The following PSG9 variants were observed in gnomAD, a reference collection of about 807,000 sequenced individuals.
The protein encoded by PSG9 is pregnancy specific beta-1-glycoprotein 9.
In PSG9, 49 loss-of-function variants were observed where a neutral mutation model predicts 41.9. That is an observed-to-expected ratio of 1.17 (90% CI 0.93 to 1.48). The LOEUF (loss-of-function observed/expected upper bound fraction) is 1.48, where lower values mean the gene tolerates loss of function less well. PSG9 is among the 40% of genes most tolerant of loss of function. The pLI is 0.00. For synonymous variants in PSG9, 263 were observed against 196.8 expected, an observed-to-expected ratio of 1.34 and a Z score of -2.82; for missense variants, 641 against 520.3, an observed-to-expected ratio of 1.23 and a Z score of -2.26.
Position 43,258,164 on chromosome 19 carries a change from A to C in PSG9, c.1243+38T>G, listed in dbSNP as rs2072284. 0.061 allele frequency: 96,658 copies of C among 1,591,998 alleles called. 10,101 individuals carry two copies. Among genetic ancestry groups the C allele is most frequent in the Admixed American group, 0.18 (10,821 of 58,638 alleles). On this transcript the variant is annotated intron_variant, in intron 5 of 5. Transcript: ENST00000270077. ...TCTCTGAAAGCCAGATAGACTCCACATAAAACCCTACTGCCAAGGATGCTG... is the reference window on the plus strand; with the variant it reads ...TCTCTGAAAGCCAGATAGACTCCACCTAAAACCCTACTGCCAAGGATGCTG...
At chr19:43,265,078 C>G (rs932769048) in intron 2 of PSG9, among the ~76,000 whole-genome samples, 2 of 148,226 alleles carry the variant, frequency 1.3e-5, no homozygotes, top group African/African-American at 5.1e-5. Flanking sequence ...TGTCCTCACT[C>G]ATTCCTGGAC....
In PSG9 at chr19:43,259,262, G is replaced by A. The variant is rs531154541; in HGVS notation, c.710-127C>T. 25 of 1,414,940 alleles carry A rather than the reference G, an allele frequency of 1.8e-5. 5 individuals carry two copies. In the East Asian group the frequency reaches 3.1e-4, roughly 17 times the overall value. The allele number at this position is 1,414,940 out of a possible 1,614,324, so 87.6% of individuals were successfully genotyped here. ...GAGTCCTTGAAAGCCAATAGCTGGT[G>A]CGTGTGTCACAAGACAGATGCATGA... On this transcript the variant is annotated intron_variant, in intron 3 of 5. Coordinates refer to ENST00000270077, the MANE Select transcript of PSG9 (RefSeq NM_002784.5).
chr19:43,255,893 T>C (rs1325485029), intron 5 of PSG9, among the ~76,000 whole-genome samples: 1 of 146,518 alleles, frequency 6.8e-6, no homozygotes. Context: ...TTTTCATGAA[T>C]TGGAAGACTC....
At chr19:43,266,003 G>T (rs1390882148) in intron 2 of PSG9, among the ~76,000 whole-genome samples, 5 of 152,092 alleles carry the variant, frequency 3.3e-5, no homozygotes, top group South Asian at 4.2e-4. Context: ...TAGTTAGAGG[G>T]AATGTCTGGG....
chr19:43,257,965 G>T (rs768729030), intron 5 of PSG9: 2 of 1,455,252 alleles, frequency 1.4e-6, no homozygotes, highest in Non-Finnish European at 1.8e-6. Context: ...GCTCAGGGCT[G>T]ATAAAGCCCC....
chr19:43,262,628 G>T (rs1316480943), intron 2 of PSG9, among the ~76,000 whole-genome samples: 1 of 152,164 alleles, frequency 6.6e-6, no homozygotes, highest in African/African-American at 2.4e-5. Context: ...TGGAAAGCCT[G>T]GTCTGGGACT....
Position 43,259,005 on chromosome 19 carries a change from G to A in PSG9, c.840C>T (p.Leu280=), listed in dbSNP as rs763293390. The A allele has an allele frequency of 2.5e-6, 4 of 1,590,804 alleles. 1 individual carries two copies. The highest frequency in any genetic ancestry group is 3.4e-6 in the Non-Finnish European group (4 of 1,174,494). The change falls in exon 4 of 6, where the codon CTC becomes CTT. Residue 280 remains leucine, a synonymous_variant. Transcript: ENST00000270077. ...TYIWWLNGQS[L]PVSPGVKRPI... The stretch of plus-strand genomic sequence containing the variant: ...GTCGCTTTACCCCGGGACTGACGGG[G>A]AGGCTCTGACCGTTTAGCCACCAAA...
chr19:43,268,247 C>G (rs1969076817), intron 1 of PSG9, 98 bp from the exon 2 acceptor site: 2 of 1,432,460 alleles, frequency 1.4e-6, no homozygotes, highest in Non-Finnish European at 1.9e-6. Context: ...CATCCTCAGC[C>G]TTGAAGATAC....
At chr19:43,261,761 G>A (rs535196736) in intron 3 of PSG9, 99 bp downstream of exon 3, 1 of 1,611,068 alleles carries the variant, frequency 6.2e-7, no homozygotes, top group Non-Finnish European at 8.5e-7. Flanking sequence ...AGGGGTAAAG[G>A]TCTCTGTACT....
chr19:43,257,672 C>T lies in PSG9; in HGVS notation c.1243+530G>A, dbSNP rs545646116. 2.4e-4 allele frequency: 260 copies of T among 1,075,006 alleles called. 38 individuals carry two copies. In the African/African-American group the frequency reaches 4.3e-3, roughly 18 times the overall value. The allele number at this position is 1,075,006 out of a possible 1,614,324, so 66.6% of individuals were successfully genotyped here. On this transcript the variant is annotated intron_variant, in intron 5 of 5. Coordinates refer to ENST00000270077, the MANE Select transcript of PSG9 (RefSeq NM_002784.5). ...GGGCCCTTTCTACACACACGCTAGT[C>T]CCACCCCAGGTTGAGTGAGGCAGGG...
chr19:43,264,480 C>G (rs1056441564), intron 2 of PSG9, among the ~76,000 whole-genome samples: 6 of 151,888 alleles, frequency 4.0e-5, no homozygotes, highest in African/African-American at 1.4e-4. Flanking sequence ...TTTTCTGAGA[C>G]AGAGTCTCGC....
rs1323261158 is a variant in PSG9, at chr19:43,258,460, G to A, written c.989-4C>T. 2 of 1,558,236 alleles carry A rather than the reference G, an allele frequency of 1.3e-6. 1 individual carries two copies. Among genetic ancestry groups the A allele is most frequent in the East Asian group, 5.4e-5 (2 of 37,290 alleles). On this transcript the variant is annotated splice_polypyrimidine_tract_variant and splice_region_variant and intron_variant, in intron 4 of 5. Transcript: ENST00000270077. ...ATTCTGGGGAGGTCTGGACCATCTG[G>A]AGGAAAGAGAATAAAGCCACACGTG...
rs531757573 is a variant in PSG9, at chr19:43,264,409, G to C, written c.431-2271C>G. On this transcript the variant is annotated intron_variant, in intron 2 of 5. Transcript: ENST00000270077. ...CCTCAAGCTAGGGATTCTTTCCTCA[G>C]CTGTGTGCAGTCTACCAGTAAGCAT... 4.6e-5 allele frequency among the ~76,000 whole-genome samples: 7 copies of C among 152,100 alleles called. No homozygotes were observed. The East Asian group carries it at 1.4e-3, about 29-fold the overall frequency.
intron 2 of PSG9, 134 bp from the exon 3 acceptor site, chr19:43,262,272 T>A: frequency 4.0e-6 from 6 of 1,485,056 alleles, no homozygotes; most frequent in Non-Finnish European, 5.4e-6. Context: ...GGTGTGTGTG[T>A]TACAAGACAG....
At position 43,258,976 on chromosome 19, in the gene PSG9, A is replaced by T; in HGVS notation, c.869T>A (p.Ile290Asn). Residue 290 changes from isoleucine to asparagine, a missense_variant, in exon 4 of 6, where the codon ATT becomes AAT. By Grantham distance (149) the Ile-to-Asn change is moderately radical. Coordinates refer to ENST00000270077, the MANE Select transcript of PSG9 (RefSeq NM_002784.5). ...GGGTAGAATGAGTATCCTGTTTTCA[A>T]TGGGTCGCTTTACCCCGGGACTGAC... is the stretch of plus-strand genomic sequence containing the variant. ...LPVSPGVKRPIENRILILPSV... is the reference protein window; with the variant it reads ...LPVSPGVKRPNENRILILPSV... 1 of 1,590,388 alleles carries T rather than the reference A, an allele frequency of 6.3e-7. No individual in the cohort carries two copies. The highest frequency in any genetic ancestry group is 1.1e-5 in the South Asian group (1 of 89,846).
intron 4 of PSG9, 135 bp downstream of exon 4, chr19:43,258,722 G>T: frequency 7.0e-7 from 1 of 1,436,718 alleles, no homozygotes; most frequent in Non-Finnish European, 9.3e-7. Context: ...TCCCAGGGCA[G>T]GGAGTCATGG....
In PSG9 at chr19:43,259,087, T is replaced by A. The variant is rs1249601525; in HGVS notation, c.758A>T (p.Glu253Val). Residue 253 changes from glutamate to valine, a missense_variant, in exon 4 of 6, where the codon GAG becomes GTG. By Grantham distance (121) the Glu-to-Val change is moderately radical. Coordinates refer to ENST00000270077, the MANE Select transcript of PSG9 (RefSeq NM_002784.5). ...YITINNLNPRENKDVLAFTCE... is the reference protein window; with the variant it reads ...YITINNLNPRVNKDVLAFTCE... ...GGTGAAGGCTAAGACATCCTTATTCTCCCTGGGGTTTAAGTTGTTGATGGT... is the reference window on the plus strand; with the variant it reads ...GGTGAAGGCTAAGACATCCTTATTCACCCTGGGGTTTAAGTTGTTGATGGT... The A allele has an allele frequency of 6.3e-7, 1 of 1,590,546 alleles. No individual in the cohort carries two copies. The highest frequency in any genetic ancestry group is 8.5e-7 in the Non-Finnish European group (1 of 1,174,428).
chr19:43,258,890 G>A lies in PSG9; in HGVS notation c.955C>T (p.Leu319Phe), dbSNP rs1058281. 3.8e-6 allele frequency: 6 copies of A among 1,576,628 alleles called. No individual in the cohort carries two copies. The highest frequency in any genetic ancestry group is 5.2e-6 in the Non-Finnish European group (6 of 1,163,852). ...QCEIRDRYGG[L>F]RSNPVILNVL... The stretch of plus-strand genomic sequence containing the variant: ...TTTAGGATGACTGGGTTACTGCGGA[G>A]GCCACCATATCGGTCCCGTATTTCA... Residue 319 changes from leucine (L) to phenylalanine (F), a missense_variant, in exon 4 of 6, where the codon CTC (leucine) becomes TTC (phenylalanine). Physicochemically the swap from Leu to Phe is conservative, Grantham distance 22. Coordinates refer to ENST00000270077, the MANE Select transcript of PSG9 (RefSeq NM_002784.5).
chr19:43,253,385 C>G lies in PSG9; in HGVS notation c.*224G>C, dbSNP rs960373942. 12 of 389,688 alleles carry G rather than the reference C, an allele frequency of 3.1e-5. No homozygotes were observed. The highest frequency in any genetic ancestry group is 2.7e-4 in the African/African-American group (12 of 43,806). 24.1% of individuals were successfully genotyped at this position (389,688 alleles called of 1,614,324 possible). On this transcript the variant is annotated 3_prime_UTR_variant, in exon 6 of 6. Coordinates refer to ENST00000270077, the MANE Select transcript of PSG9 (RefSeq NM_002784.5). The stretch of plus-strand genomic sequence containing the variant: ...AGATAGACAGCAAAAGCAAATATTT[C>G]AATTTTTGTTTACAAAAGTATACTT...
Sources: gnomAD v4.1 joint callset for allele counts (sites outside exome capture counted in the v4.1 genomes callset) on GRCh38, gnomAD v4.1.1 for gene constraint, MANE v1.5 for transcripts, NCBI Gene and HGNC (gene_info 2026-07-23, HGNC 2026-07-21) for gene names.